ZYG11B: variants seen among roughly 807,000 people sequenced by gnomAD.
ZYG11B encodes protein zyg-11 homolog B.
Under a neutral mutation model 82.4 loss-of-function variants are expected in ZYG11B, and 36 were observed. The observed-to-expected ratio is 0.44, with a 90% confidence interval of 0.33 to 0.58. ZYG11B has a LOEUF of 0.58. Ranked by LOEUF, ZYG11B falls within the 20% of genes least tolerant of loss-of-function variation. The pLI is 0.02. For synonymous variants in ZYG11B, 303 were observed against 312.8 expected, an observed-to-expected ratio of 0.97 and a Z score of 0.33; for missense variants, 552 against 895.6, an observed-to-expected ratio of 0.62 and a Z score of 4.90.
chr1:52,735,736 C>T (rs1468064024), intron 1 of ZYG11B, among the ~76,000 whole-genome samples: 1 of 152,068 alleles, frequency 6.6e-6, no homozygotes, highest in Non-Finnish European at 1.5e-5. Flanking sequence ...TGGGGTTTCA[C>T]TATGTTGGCT....
chr1:52,742,790 C>T (rs536932525), intron 1 of ZYG11B, among the ~76,000 whole-genome samples: 160 of 149,352 alleles, frequency 1.1e-3, no homozygotes, highest in Non-Finnish European at 2.0e-3. Context: ...TGCAGTGAGC[C>T]GAGATCGTGC....
intron 10 of ZYG11B, among the ~76,000 whole-genome samples, chr1:52,813,042 A>T (rs1473161720): frequency 6.6e-6 from 1 of 152,130 alleles, no homozygotes; most frequent in Non-Finnish European, 1.5e-5. Flanking sequence ...TACGGTTCAT[A>T]TATAATTTAG....
chr1:52,792,174 T>G (rs961504971), intron 6 of ZYG11B, among the ~76,000 whole-genome samples: 32 of 152,154 alleles, frequency 2.1e-4, no homozygotes, highest in Admixed American at 2.0e-3. Flanking sequence ...CTATGACTGA[T>G]TCATCTCTTT....
At position 52,771,533 on chromosome 1, in the gene ZYG11B, A is replaced by G; in HGVS notation, c.710A>G (p.Lys237Arg). The change falls in exon 3 of 14, where the codon AAA (lysine) becomes AGA (arginine). Residue 237 changes from lysine to arginine, a missense_variant. By Grantham distance (26) the Lys-to-Arg change is conservative. This residue lies in a region of ZYG11B where 359 missense variants were observed against 555.8 expected (regional missense o/e 0.65). Transcript: ENST00000294353. The surrounding 1 kb of genome is among the most constrained non-coding windows in gnomAD (Gnocchi z 5.4). ...TQILDVVREL[K>R]HLNHLDISDD... is the part of the protein sequence containing the mutation. Reference sequence around the variant, plus strand: ...ATACTGGATGTAGTTCGGGAACTCAAACATCTGAATCATCTTGATATCTCA... The same window carrying G: ...ATACTGGATGTAGTTCGGGAACTCAGACATCTGAATCATCTTGATATCTCA... 1.2e-6 allele frequency: 2 copies of G among 1,614,122 alleles called. No homozygotes were observed. The highest frequency in any genetic ancestry group is 1.7e-6 in the Non-Finnish European group (2 of 1,179,992).
rs187732909 is a variant in ZYG11B at position 52,774,080 on chromosome 1, T to C, written c.951+2306T>C. Among the ~76,000 whole-genome samples the C allele has an allele frequency of 2.9e-3, 442 of 152,088 alleles. 1 individual carries two copies. The highest frequency in any genetic ancestry group is 4.6e-3 in the Non-Finnish European group (314 of 67,994). On this transcript the variant is annotated intron_variant, in intron 3 of 13. Transcript: ENST00000294353. Reference sequence around the variant, plus strand: ...GTGAGACCCAGGCATCAGTATTTTTTAAAGCTTAGATGATTGCAGTGTCCA... The same window carrying C: ...GTGAGACCCAGGCATCAGTATTTTTCAAAGCTTAGATGATTGCAGTGTCCA...
chr1:52,778,069 C>T (rs987695604), intron 3 of ZYG11B, among the ~76,000 whole-genome samples: 6 of 152,202 alleles, frequency 3.9e-5, no homozygotes, highest in East Asian at 1.9e-4. Flanking sequence ...GGATTACAGG[C>T]GCGAGCCACT....
At chr1:52,746,080 C>T (rs764814517) in intron 1 of ZYG11B, among the ~76,000 whole-genome samples, 5 of 152,076 alleles carry the variant, frequency 3.3e-5, no homozygotes, top group Admixed American at 1.3e-4. Flanking sequence ...CCTGCCTCAG[C>T]CTCCTGAGTA....
intron 2 of ZYG11B, among the ~76,000 whole-genome samples, chr1:52,757,332 A>G (rs1005438994): frequency 5.3e-5 from 8 of 152,152 alleles, no homozygotes; most frequent in Non-Finnish European, 1.2e-4. Flanking sequence ...TTCTTATGTC[A>G]GAAATAACTC....
intron 2 of ZYG11B, among the ~76,000 whole-genome samples, chr1:52,760,546 T>G (rs1406142544): frequency 6.6e-6 from 1 of 152,200 alleles, no homozygotes. Flanking sequence ...ATTTAAAATT[T>G]TTTTACTTAT....
chr1:52,786,846 T>C (rs922621686), intron 5 of ZYG11B, among the ~76,000 whole-genome samples: 2 of 152,132 alleles, frequency 1.3e-5, no homozygotes, highest in Non-Finnish European at 2.9e-5. Flanking sequence ...ATCCCAGCAC[T>C]TTGGGAGGCC....
At chr1:52,788,982 A>G (rs529672426) in intron 5 of ZYG11B, among the ~76,000 whole-genome samples, 16 of 152,316 alleles carry the variant, frequency 1.1e-4, no homozygotes, top group Non-Finnish European at 2.2e-4. Flanking sequence ...AATCTGCCAG[A>G]TTATGATTCA....
intron 8 of ZYG11B, among the ~76,000 whole-genome samples, chr1:52,800,344 A>G (rs1026082528): frequency 6.6e-6 from 1 of 151,986 alleles, no homozygotes; most frequent in Non-Finnish European, 1.5e-5. Flanking sequence ...AATATAATAT[A>G]CATTAGATAA....
chr1:52,819,284 C>G (rs963203891), intron 13 of ZYG11B, among the ~76,000 whole-genome samples: 1 of 152,100 alleles, frequency 6.6e-6, no homozygotes, highest in Non-Finnish European at 1.5e-5. Context: ...ACTCATAAAT[C>G]GAAAACTGCC....
intron 6 of ZYG11B, among the ~76,000 whole-genome samples, chr1:52,790,365 A>G (rs1571780856): frequency 6.6e-6 from 1 of 152,300 alleles, no homozygotes; most frequent in East Asian, 1.9e-4. Flanking sequence ...TCAAAAGATA[A>G]AAAAACTAAG....
At chr1:52,803,107 TATATATATATACACAC>T (rs1558140040) in intron 10 of ZYG11B, among the ~76,000 whole-genome samples, 6 of 89,906 alleles carry the variant, frequency 6.7e-5, no homozygotes, top group South Asian at 3.6e-4. Context: ...TACATATATA[TATATATATATACACAC>T]ATATATATAT....
At chr1:52,738,778 C>T (rs988795927) in intron 1 of ZYG11B, among the ~76,000 whole-genome samples, 1 of 151,706 alleles carries the variant, frequency 6.6e-6, no homozygotes, top group Non-Finnish European at 1.5e-5. Context: ...CACCACCACA[C>T]CTGGCTAATT....
chr1:52,737,034 A>G (rs572975406), intron 1 of ZYG11B, among the ~76,000 whole-genome samples: 2 of 149,756 alleles, frequency 1.3e-5, no homozygotes, highest in Non-Finnish European at 3.0e-5. Context: ...TTGTGCCTCT[A>G]AGTTTTGCTT....
chr1:52,790,058 C>T lies in ZYG11B; in HGVS notation c.1325C>T (p.Pro442Leu). Residue 442 changes from proline (P) to leucine (L), a missense_variant, in exon 6 of 14, where the codon CCA (proline) becomes CTA (leucine). Around this residue, in one of 3 missense-constraint regions of ZYG11B, gnomAD observed 359 missense variants for 555.8 expected, o/e 0.65. Transcript: ENST00000294353. ...AGTGACCGGATCCTTCAAGATGTTCCATTTAACAGGCAAGTGATAGCTCTA... is the reference window on the plus strand; with the variant it reads ...AGTGACCGGATCCTTCAAGATGTTCTATTTAACAGGCAAGTGATAGCTCTA... ...LCSDRILQDVPFNRFEAAKLV... is the reference protein window; with the variant it reads ...LCSDRILQDVLFNRFEAAKLV... 6.3e-7 allele frequency: 1 copy of T among 1,591,332 alleles called. No homozygotes were observed. The highest frequency in any genetic ancestry group is 8.6e-7 in the Non-Finnish European group (1 of 1,166,568).
intron 2 of ZYG11B, among the ~76,000 whole-genome samples, chr1:52,766,972 C>T (rs1220810801): frequency 1.3e-5 from 2 of 150,570 alleles, no homozygotes; most frequent in Non-Finnish European, 2.9e-5. Flanking sequence ...CGCGCCACTG[C>T]ACTCCAGCCT....
Sources: allele counts gnomAD v4.1 joint callset (sites outside exome capture counted in the v4.1 genomes callset), GRCh38; gene constraint gnomAD v4.1.1; regional missense constraint gnomAD v4.1.1; non-coding constraint Gnocchi (gnomAD v3.1); transcripts MANE v1.5; gene names NCBI Gene and HGNC (gene_info 2026-07-23, HGNC 2026-07-21).